WDR86: variants seen among roughly 807,000 people sequenced by gnomAD.
WDR86 encodes the protein WD repeat-containing protein 86.
WDR86 carries 30 observed loss-of-function variants against 36.5 expected under a neutral mutation model. The observed-to-expected ratio is 0.82, with a 90% confidence interval of 0.61 to 1.11. The LOEUF (loss-of-function observed/expected upper bound fraction) is 1.11, where lower values mean the gene tolerates loss of function less well. Ranked by LOEUF, WDR86 falls within the 50% of genes most tolerant of loss-of-function variation. The probability of loss-of-function intolerance (pLI) is 0.00; values close to 1 mark genes in which losing one functional copy is unlikely to be tolerated. For missense variants in WDR86, 545 were observed against 561.2 expected (o/e 0.97, Z 0.29); for synonymous variants, 255 against 252.9 (o/e 1.01, Z -0.08).
rs983123264 is a variant in WDR86 at position 151,381,636 on chromosome 7, C to T, written c.1077G>A (p.Ser359=). ...PRPPPPMRSL[S]RLFSNKVGCA... is the part of the protein sequence containing the mutation. ...AGCCCACCTTGTTGCTGAAGAGCCGCGAGAGGCTGCGCATGGGCGGAGGGG... is the reference window on the plus strand; with the variant it reads ...AGCCCACCTTGTTGCTGAAGAGCCGTGAGAGGCTGCGCATGGGCGGAGGGG... Residue 359 remains serine, a synonymous_variant, in exon 6 of 6, where the codon TCG becomes TCA. Transcript: ENST00000334493. The surrounding 1 kb of genome is among the most constrained non-coding windows in gnomAD (Gnocchi z 4.8). The T allele has an allele frequency of 6.5e-6, 9 of 1,387,716 alleles. No individual in the cohort carries two copies. In the African/African-American group the frequency reaches 9.2e-5, roughly 14 times the overall value. The allele number at this position is 1,387,716 out of a possible 1,614,324, so 86.0% of individuals were successfully genotyped here. A position where few individuals can be genotyped will look rare whatever the true frequency, so the allele number is the denominator to read the frequency against.
Position 151,409,777 on chromosome 7 carries a change from G to T in WDR86, c.-188C>A. 1 of 1,272,430 alleles carries T rather than the reference G, an allele frequency of 7.9e-7. No homozygotes were observed. 78.8% of individuals were successfully genotyped at this position (1,272,430 alleles called of 1,614,324 possible). ...AGCTCCCCGCTGCCTCCAGCCTCTG[G>T]GCCCGCGAACCCAGGGCGCTGCGGG... On this transcript the variant is annotated 5_prime_UTR_variant, in exon 1 of 6. Coordinates refer to ENST00000334493, the MANE Select transcript of WDR86 (RefSeq NM_198285.3). This position sits in a 1 kb window ranked among gnomAD's most constrained non-coding sequence, Gnocchi z 5.2.
In WDR86 at chr7:151,381,628, A is replaced by G. The variant is rs1348645311; in HGVS notation, c.1085T>C (p.Phe362Ser). The change falls in exon 6 of 6, where the codon TTC becomes TCC. Residue 362 changes from phenylalanine to serine, a missense_variant. Transcript: ENST00000334493. This position sits in a 1 kb window ranked among gnomAD's most constrained non-coding sequence, Gnocchi z 4.8. ...PPPMRSLSRL[F>S]SNKVGCAAAP... is the part of the protein sequence containing the mutation. ...GGCGGCGCAGCCCACCTTGTTGCTG[A>G]AGAGCCGCGAGAGGCTGCGCATGGG... is the stretch of plus-strand genomic sequence containing the variant. The G allele has an allele frequency of 7.2e-7, 1 of 1,382,406 alleles. No individual in the cohort carries two copies. The highest frequency in any genetic ancestry group is 9.3e-7 in the Non-Finnish European group (1 of 1,079,378). The allele number at this position is 1,382,406 out of a possible 1,614,324, so 85.6% of individuals were successfully genotyped here.
chr7:151,394,284 A>G (rs1427898093), intron 3 of WDR86, among the ~76,000 whole-genome samples: 1 of 152,138 alleles, frequency 6.6e-6, no homozygotes, highest in Non-Finnish European at 1.5e-5. Flanking sequence ...CTCCACGCGA[A>G]TGTGAGCCCT....
downstream of WDR86, chr7:151,376,709 GCCC>G (rs776332805): frequency 1.2e-6 from 2 of 1,608,402 alleles, no homozygotes; most frequent in African/African-American, 2.7e-5. Flanking sequence ...CCAGCTGGCC[GCCC>G]AGACCCTTGC....
At chr7:151,393,330 C>G (rs1381658370) in intron 3 of WDR86, among the ~76,000 whole-genome samples, 2 of 152,244 alleles carry the variant, frequency 1.3e-5, no homozygotes, top group East Asian at 3.9e-4. Flanking sequence ...GGAGCTGTCT[C>G]TCCGCACTCT....
intron 1 of WDR86, chr7:151,408,746 G>C: frequency 2.6e-6 from 1 of 388,146 alleles, no homozygotes; most frequent in Non-Finnish European, 5.4e-6. Flanking sequence ...CCCAGGGGAA[G>C]GTGCACCCGA....
chr7:151,378,384 C>T (rs1325388191), downstream of WDR86: 1 of 152,196 alleles, frequency 6.6e-6, no homozygotes, highest in Admixed American at 6.5e-5. Context: ...TGATGGGAAT[C>T]TTCTTGTCAT....
In WDR86 at chr7:151,395,314, T is replaced by C. The variant is rs73171851; in HGVS notation, c.726+462A>G. ...TGGCCCAGCATGCAGATTCAGAAGC[T>C]GAGTGTTATGGGCTGCATCATGCCC... On this transcript the variant is annotated intron_variant, in intron 3 of 5. Coordinates refer to ENST00000334493, the MANE Select transcript of WDR86 (RefSeq NM_198285.3). 9.9e-3 allele frequency among the ~76,000 whole-genome samples: 1,507 copies of C among 152,358 alleles called. 18 individuals carry two copies. The highest frequency in any genetic ancestry group is 0.011 in the Non-Finnish European group (774 of 68,034).
At position 151,405,533 on chromosome 7, in the gene WDR86, TG is replaced by T. The variant is rs1430479296; in HGVS notation, c.163+3893del. On this transcript the variant is annotated intron_variant, in intron 1 of 5. Transcript: ENST00000334493. The surrounding 1 kb of genome is among the most constrained non-coding windows in gnomAD (Gnocchi z 4.7). ...CTGGGACCCTGAGGCAGGTGACATC[TG>T]GGCCCAGAAGCACCAACAGCGTGGC... is the stretch of plus-strand genomic sequence containing the variant. 6.6e-6 allele frequency among the ~76,000 whole-genome samples: 1 copy of T among 152,204 alleles called. No individual in the cohort carries two copies. Among genetic ancestry groups the T allele is most frequent in the Non-Finnish European group, 1.5e-5 (1 of 68,024 alleles).
Position 151,381,941 on chromosome 7 carries a change from G to A in WDR86, c.903C>T (p.Asp301=), listed in dbSNP as rs1375531272. The change falls in exon 5 of 6, where the codon GAC becomes GAT. Residue 301 remains aspartate (D), a synonymous_variant. Coordinates refer to ENST00000334493, the MANE Select transcript of WDR86 (RefSeq NM_198285.3). This position sits in a 1 kb window ranked among gnomAD's most constrained non-coding sequence, Gnocchi z 4.8. ...GSGDACARAF[D]AQSGELRRVF... Reference sequence around the variant, plus strand: ...CCCTCCGCAGCTCTCCAGACTGCGCGTCGAAGGCCCGGGCGCAAGCGTCCC... The same window carrying A: ...CCCTCCGCAGCTCTCCAGACTGCGCATCGAAGGCCCGGGCGCAAGCGTCCC... 6 of 1,609,080 alleles carry A rather than the reference G, an allele frequency of 3.7e-6. No homozygotes were observed. Among genetic ancestry groups the A allele is most frequent in the African/African-American group, 2.7e-5 (2 of 74,838 alleles).
downstream of WDR86, among the ~76,000 whole-genome samples, chr7:151,374,801 C>T (rs567144070): frequency 1.6e-4 from 25 of 152,190 alleles, no homozygotes; most frequent in African/African-American, 5.3e-4. Context: ...TGCTGCGCTG[C>T]GTCTCAGCAG....
At chr7:151,402,070 A>AAAAAATATATAT in intron 1 of WDR86, among the ~76,000 whole-genome samples, 24 of 50,528 alleles carry the variant, frequency 4.7e-4, no homozygotes, top group Non-Finnish European at 5.4e-4. Context: ...AAAAAAAAAA[A>AAAAAATATATAT]ATATATATAT....
chr7:151,408,746 G>A, intron 1 of WDR86: 1 of 388,146 alleles, frequency 2.6e-6, no homozygotes, highest in Non-Finnish European at 5.4e-6. Flanking sequence ...CCCAGGGGAA[G>A]GTGCACCCGA....
chr7:151,410,270 G>A (rs920847286), upstream of WDR86, among the ~76,000 whole-genome samples: 4 of 152,250 alleles, frequency 2.6e-5, no homozygotes, highest in African/African-American at 4.8e-5. Flanking sequence ...GCCGGGACGA[G>A]GGAGGGGGAG....
At chr7:151,408,194 CTTTTCT>C (rs1478118671) in intron 1 of WDR86, among the ~76,000 whole-genome samples, 12 of 124,648 alleles carry the variant, frequency 9.6e-5, no homozygotes, top group Non-Finnish European at 1.2e-4. Context: ...TTTTTCTTTT[CTTTTCT>C]TTTTTTTTTT....
chr7:151,397,908 T>G (rs527849806), intron 2 of WDR86, among the ~76,000 whole-genome samples: 80 of 151,022 alleles, frequency 5.3e-4, no homozygotes, highest in African/African-American at 1.8e-3. Context: ...CTGCCTGGTG[T>G]GAGAAGGCAG....
Position 151,410,014 on chromosome 7 carries a change from C to G in WDR86, c.-425G>C. On this transcript the variant is annotated 5_prime_UTR_variant, in exon 1 of 6. Transcript: ENST00000334493. ...GGAAGCCGAGCGCCCCGCGCCCTCC[C>G]CGGCCGAGCGCGGAACAATACGGTC... is the stretch of plus-strand genomic sequence containing the variant. 2 of 995,318 alleles carry G rather than the reference C, an allele frequency of 2.0e-6. No homozygotes were observed. The highest frequency in any genetic ancestry group is 2.2e-4 in the East Asian group (2 of 9,232). The allele number at this position is 995,318 out of a possible 1,614,324, so 61.7% of individuals were successfully genotyped here.
intron 1 of WDR86, among the ~76,000 whole-genome samples, chr7:151,402,070 A>AAAAAAAATATATATAT: frequency 1.2e-4 from 6 of 50,532 alleles, no homozygotes; most frequent in Non-Finnish European, 2.0e-4. Flanking sequence ...AAAAAAAAAA[A>AAAAAAAATATATATAT]ATATATATAT....
rs996814008 is a variant in WDR86 at position 151,381,272 on chromosome 7, A to C, written c.*310T>G. The C allele has an allele frequency of 6.1e-6, 8 of 1,313,856 alleles. No individual in the cohort carries two copies. The South Asian group carries it at 1.8e-4, about 29-fold the overall frequency. 81.4% of individuals were successfully genotyped at this position (1,313,856 alleles called of 1,614,324 possible). A position where few individuals can be genotyped will look rare whatever the true frequency, so the allele number is the denominator to read the frequency against. ...TTCGTGGGGCTGGGGGAGCTGGGGCAGTCCGCCTGCAGCCCCTGAGGTGGG... is the reference window on the plus strand; with the variant it reads ...TTCGTGGGGCTGGGGGAGCTGGGGCCGTCCGCCTGCAGCCCCTGAGGTGGG... On this transcript the variant is annotated 3_prime_UTR_variant, in exon 6 of 6. Coordinates refer to ENST00000334493, the MANE Select transcript of WDR86 (RefSeq NM_198285.3). The surrounding 1 kb of genome is among the most constrained non-coding windows in gnomAD (Gnocchi z 4.8).
Sources: gnomAD v4.1 joint callset for allele counts (sites outside exome capture counted in the v4.1 genomes callset) on GRCh38, gnomAD v4.1.1 for gene constraint, Gnocchi (gnomAD v3.1) non-coding constraint, MANE v1.5 for transcripts, NCBI Gene and HGNC (gene_info 2026-07-23, HGNC 2026-07-21) for gene names.